The following FHL1 variants were observed in gnomAD, a reference collection of about 807,000 sequenced individuals.
FHL1 encodes the protein four and a half LIM domains protein 1.
In FHL1, 1 loss-of-function variant was observed where a neutral mutation model predicts 20.3. That is an observed-to-expected ratio of 0.05 (90% confidence interval 0.02 to 0.23). FHL1 has a LOEUF of 0.23. FHL1 is among the 10% of genes least tolerant of loss of function. FHL1 has a pLI of 1.00. For missense variants in FHL1, 177 were observed against 234.0 expected (o/e 0.76, Z 1.59); for synonymous variants, 82 against 88.9 (o/e 0.92, Z 0.44).
chrX:136,155,360 T>A (rs1368064589), intron 1 of FHL1, among the ~76,000 whole-genome samples: 2 of 112,246 alleles, frequency 1.8e-5, no homozygotes, highest in Non-Finnish European at 3.8e-5. Flanking sequence ...GTTGTCACTC[T>A]ATACAGAAAT....
chrX:136,202,379 G>A (rs1470996369), intron 1 of FHL1, among the ~76,000 whole-genome samples: 1 of 109,395 alleles, frequency 9.1e-6, no homozygotes, highest in Non-Finnish European at 1.9e-5. Context: ...ACAACAAAGA[G>A]GTAAAATGCT....
At position 136,185,248 on chromosome X, in the gene FHL1, A is replaced by T. The variant is rs780461306; in HGVS notation, c.-27+15268A>T. On this transcript the variant is annotated intron_variant, in intron 2 of 6. Coordinates refer to the FHL1 transcript ENST00000394153. ...TTCTCTGTACATTTCCTGTTCCAGT[A>T]TGATAATTTATATAGGCTTTAGCAT... Among the ~76,000 whole-genome samples, 3 of 112,325 alleles carry T rather than the reference A, an allele frequency of 2.7e-5. No homozygotes were observed. The East Asian group carries it at 8.3e-4, about 31-fold the overall frequency.
At chrX:136,166,646 C>T (rs181299208), upstream of FHL1, among the ~76,000 whole-genome samples, 3 of 111,784 alleles carry the variant, frequency 2.7e-5, no homozygotes, top group Admixed American at 2.8e-4. Flanking sequence ...GAATTGTACT[C>T]ATCTCTAGGA....
At chrX:136,180,959 C>G (rs2073141059) in intron 2 of FHL1, among the ~76,000 whole-genome samples, 1 of 112,134 alleles carries the variant, frequency 8.9e-6, no homozygotes, top group South Asian at 3.7e-4. Context: ...CCAGGCTGGT[C>G]GTGAACTCCT....
intron 2 of FHL1, among the ~76,000 whole-genome samples, chrX:136,175,775 A>G (rs2072987456): frequency 8.9e-6 from 1 of 112,516 alleles, no homozygotes; most frequent in South Asian, 3.6e-4. Context: ...TTGCAAAGTG[A>G]TATGTACCTG....
intron 1 of FHL1, chrX:136,148,587 TCTG>T (rs2148252723): frequency 9.0e-6 from 1 of 111,536 alleles, no homozygotes; most frequent in African/African-American, 3.3e-5. Flanking sequence ...GACAGAGGTT[TCTG>T]CTTTCGAAGT....
intron 1 of FHL1, among the ~76,000 whole-genome samples, chrX:136,161,521 T>TA (rs1308890509): frequency 1.8e-5 from 2 of 111,831 alleles, no homozygotes; most frequent in Admixed American, 1.9e-4. Flanking sequence ...CTTACAAACT[T>TA]AGTTATTCCT....
intron 1 of FHL1, chrX:136,147,989 CG>C: frequency 2.5e-5 from 1 of 40,161 alleles, no homozygotes; most frequent in South Asian, 1.1e-3. Context: ...TTTTCCTGTG[CG>C]GGGGATGGTG....
At chrX:136,209,171 C>G in intron 5 of FHL1, 1 of 1,081,418 alleles carries the variant, frequency 9.2e-7, no homozygotes, top group Non-Finnish European at 1.3e-6. Context: ...GGCCCTTTCC[C>G]TTGCCTCCAA....
At chrX:136,176,488 C>T (rs780215063) in intron 2 of FHL1, among the ~76,000 whole-genome samples, 2 of 111,857 alleles carry the variant, frequency 1.8e-5, no homozygotes, top group East Asian at 5.6e-4. Context: ...CCCCATATGT[C>T]ATTGCCTCTG....
chrX:136,192,689 C>T (rs2073455869), upstream of FHL1, among the ~76,000 whole-genome samples: 2 of 112,005 alleles, frequency 1.8e-5, no homozygotes, highest in South Asian at 3.8e-4. Context: ...ATGACCAAAT[C>T]CCCCCTCTTG....
At chrX:136,147,273 G>T (rs377307561), upstream of FHL1, 165 of 109,633 alleles carry the variant, frequency 1.5e-3, 1 homozygote, top group South Asian at 0.058. Flanking sequence ...AGTGGCGGGG[G>T]CACGTGGGCG....
intron 1 of FHL1, among the ~76,000 whole-genome samples, chrX:136,157,435 T>G (rs923110529): frequency 8.9e-6 from 1 of 111,982 alleles, no homozygotes; most frequent in Non-Finnish European, 1.9e-5. Context: ...CAGATGGCCT[T>G]TGTTAGAGCC....
At chrX:136,186,879 TATAG>T (rs10611748) in intron 2 of FHL1, among the ~76,000 whole-genome samples, 6,989 of 67,199 alleles carry the variant, frequency 0.1, 335 homozygotes, top group Admixed American at 0.21. Flanking sequence ...TATATATATA[TATAG>T]ATAGATAGAT....
upstream of FHL1, among the ~76,000 whole-genome samples, chrX:136,195,679 TAAG>T (rs2073539279): frequency 8.9e-6 from 1 of 112,310 alleles, no homozygotes; most frequent in Admixed American, 9.4e-5. Flanking sequence ...TTGAAGATCG[TAAG>T]AATTGGGGAA....
chrX:136,199,990 T>C (rs1401121876), intron 1 of FHL1, among the ~76,000 whole-genome samples: 1 of 112,681 alleles, frequency 8.9e-6, no homozygotes, highest in Non-Finnish European at 1.9e-5. Flanking sequence ...TGTAATGTTA[T>C]ATTACTTGTA....
At chrX:136,190,489 T>C (rs2073407704) in intron 2 of FHL1, among the ~76,000 whole-genome samples, 1 of 111,776 alleles carries the variant, frequency 8.9e-6, no homozygotes, top group South Asian at 3.8e-4. Context: ...CAAAGAACGA[T>C]TCGCGAATCA....
intron 2 of FHL1, among the ~76,000 whole-genome samples, chrX:136,183,518 C>T (rs192841828): frequency 3.6e-5 from 4 of 111,572 alleles, no homozygotes; most frequent in East Asian, 2.8e-4. Flanking sequence ...ATCTAGTTTC[C>T]GTTATAGCTC....
chrX:136,197,080 C>T lies in FHL1; in HGVS notation c.-33C>T, dbSNP rs1299815654. 19 of 1,201,480 alleles carry T rather than the reference C, an allele frequency of 1.6e-5. No individual in the cohort carries two copies. Among genetic ancestry groups the T allele is most frequent in the Non-Finnish European group, 2.1e-5 (19 of 888,972 alleles). ...CAGCTGGGGTTGAGGGAAGACTGGTCTAGGTGCTGCTCCTGAACTTGGTCT... is the reference window on the plus strand; with the variant it reads ...CAGCTGGGGTTGAGGGAAGACTGGTTTAGGTGCTGCTCCTGAACTTGGTCT... On this transcript the variant is annotated 5_prime_UTR_variant, in exon 1 of 6. Transcript: ENST00000370683.
Sources: gnomAD v4.1 joint callset for allele counts (sites outside exome capture counted in the v4.1 genomes callset) on GRCh38, gnomAD v4.1.1 for gene constraint, MANE v1.5 for transcripts, NCBI Gene and HGNC (gene_info 2026-07-23, HGNC 2026-07-21) for gene names.